GALNTL6: variants seen among roughly 807,000 people sequenced by gnomAD.
GALNTL6 encodes polypeptide N-acetylgalactosaminyltransferase like 6, also known as polypeptide N-acetylgalactosaminyltransferase-like 6.
Under a neutral mutation model 73.7 loss-of-function variants are expected in GALNTL6, and 46 were observed. The observed-to-expected ratio is 0.62, with a 90% CI of 0.49 to 0.80. GALNTL6 has a LOEUF of 0.80. Ranked by LOEUF, GALNTL6 falls within the 30% of genes least tolerant of loss-of-function variation. The probability of loss-of-function intolerance (pLI) is 0.00; values close to 1 mark genes in which losing one functional copy is unlikely to be tolerated. For synonymous variants in GALNTL6, 259 were observed against 263.7 expected (o/e 0.98, Z 0.17); for missense variants, 604 against 755.0 (o/e 0.80, Z 2.34).
At chr4:172,095,115 A>C (rs1732314448) in intron 2 of GALNTL6, among the ~76,000 whole-genome samples, 1 of 151,946 alleles carries the variant, frequency 6.6e-6, no homozygotes. Context: ...TGTGTTAGGG[A>C]GGGTCCAAAA....
intron 2 of GALNTL6, among the ~76,000 whole-genome samples, chr4:172,063,195 G>A (rs1449255915): frequency 1.3e-5 from 2 of 152,178 alleles, no homozygotes; most frequent in East Asian, 1.9e-4. Flanking sequence ...GTGAAGGCTA[G>A]GGTAAACACA....
chr4:172,805,269 A>G (rs879875171), intron 5 of GALNTL6, among the ~76,000 whole-genome samples: 2 of 152,204 alleles, frequency 1.3e-5, no homozygotes, highest in Non-Finnish European at 2.9e-5. Context: ...CCTAAACACT[A>G]AATTCACTAA....
intron 5 of GALNTL6, among the ~76,000 whole-genome samples, chr4:172,465,164 T>C (rs112215012): frequency 0.017 from 2,624 of 152,276 alleles, 71 homozygotes; most frequent in African/African-American, 0.057. Context: ...TATCTCCATT[T>C]GATGGTCTGC....
At chr4:172,341,720 T>C (rs988642699) in intron 4 of GALNTL6, among the ~76,000 whole-genome samples, 4 of 152,276 alleles carry the variant, frequency 2.6e-5, no homozygotes, top group Admixed American at 2.0e-4. Flanking sequence ...ATGTAAGATA[T>C]TGACTTGCTC....
chr4:172,324,725 G>A lies in GALNTL6; in HGVS notation c.386+12973G>A, dbSNP rs189646724. Among the ~76,000 whole-genome samples, 121 of 151,022 alleles carry A rather than the reference G, an allele frequency of 8.0e-4. 2 individuals carry two copies. The South Asian group carries it at 0.016, about 20-fold the overall frequency. ...TAAATTTCAGTGGATTGAAGTAATAGAGTATTTTCTTTGACCAAACTTCTA... is the reference window on the plus strand; with the variant it reads ...TAAATTTCAGTGGATTGAAGTAATAAAGTATTTTCTTTGACCAAACTTCTA... On this transcript the variant is annotated intron_variant, in intron 4 of 12. Coordinates refer to ENST00000506823, the MANE Select transcript of GALNTL6 (RefSeq NM_001034845.3).
intron 2 of GALNTL6, among the ~76,000 whole-genome samples, chr4:172,095,794 T>G (rs1443842912): frequency 6.6e-6 from 1 of 152,090 alleles, no homozygotes; most frequent in African/African-American, 2.4e-5. Context: ...TGGGAGGAAA[T>G]TACTGTTCTT....
chr4:172,040,385 T>TA (rs1041837655), intron 2 of GALNTL6, among the ~76,000 whole-genome samples: 1 of 152,124 alleles, frequency 6.6e-6, no homozygotes, highest in Admixed American at 6.6e-5. Context: ...TTTGTTTTTT[T>TA]ATGCCACTTT....
intron 2 of GALNTL6, among the ~76,000 whole-genome samples, chr4:172,130,922 C>T (rs1733470935): frequency 6.6e-6 from 1 of 152,016 alleles, no homozygotes; most frequent in Admixed American, 6.6e-5. Flanking sequence ...GCCACTATCC[C>T]TGTATTTCTA....
chr4:171,857,264 T>TA lies in GALNTL6; in HGVS notation c.138+42555dup, dbSNP rs549005988. ...CCCCTTGCTTTCTCAGTATTTTATTTAAAAAAAAAGAAGTATATTGAACCA... is the reference window on the plus strand; with the variant it reads ...CCCCTTGCTTTCTCAGTATTTTATTTAAAAAAAAAAGAAGTATATTGAACCA... On this transcript the variant is annotated intron_variant, in intron 2 of 12. Transcript: ENST00000506823. Among the ~76,000 whole-genome samples the TA allele has an allele frequency of 6.7e-3, 1,013 of 151,480 alleles. 3 individuals are homozygous for TA. Among genetic ancestry groups the TA allele is most frequent in the Non-Finnish European group, 9.8e-3 (666 of 67,806 alleles).
chr4:172,917,052 A>G lies in GALNTL6; in HGVS notation c.1042-14109A>G, dbSNP rs181110836. 5.7e-4 allele frequency among the ~76,000 whole-genome samples: 87 copies of G among 152,340 alleles called. 1 individual carries two copies. The highest frequency in any genetic ancestry group is 3.5e-4 in the Non-Finnish European group (24 of 68,024). ...ATGGTACTGTTACCAAAACAGAGAT[A>G]TAGACCAATGGAATGGAACAGAGCC... On this transcript the variant is annotated intron_variant, in intron 8 of 12. Coordinates refer to ENST00000506823, the MANE Select transcript of GALNTL6 (RefSeq NM_001034845.3).
chr4:172,161,507 C>A (rs1734467366), intron 2 of GALNTL6, among the ~76,000 whole-genome samples: 1 of 151,928 alleles, frequency 6.6e-6, no homozygotes, highest in Admixed American at 6.6e-5. Flanking sequence ...ACAGAGAAAC[C>A]ATTTTGCTGA....
At chr4:172,962,941 A>G (rs1750150232) in intron 10 of GALNTL6, among the ~76,000 whole-genome samples, 2 of 152,018 alleles carry the variant, frequency 1.3e-5, no homozygotes, top group Non-Finnish European at 2.9e-5. Flanking sequence ...AACACAGTCC[A>G]CTTAAAACAA....
chr4:172,000,319 G>A (rs1334155916), intron 2 of GALNTL6, among the ~76,000 whole-genome samples: 1 of 152,168 alleles, frequency 6.6e-6, no homozygotes. Context: ...ATTGCCCAAA[G>A]AATGTTCATT....
chr4:172,825,078 T>TTTTCTTTCTCTCTTTC (rs1742174894), intron 7 of GALNTL6, among the ~76,000 whole-genome samples: 1 of 105,626 alleles, frequency 9.5e-6, no homozygotes. Flanking sequence ...TTTGGTTATC[T>TTTTCTTTCTCTCTTTC]TTTCTTTCTT....
intron 2 of GALNTL6, among the ~76,000 whole-genome samples, chr4:171,961,376 G>A (rs1203237318): frequency 6.6e-6 from 1 of 151,978 alleles, no homozygotes; most frequent in African/African-American, 2.4e-5. Context: ...AAGAGGAGAA[G>A]AATTTACCCA....
intron 5 of GALNTL6, among the ~76,000 whole-genome samples, chr4:172,578,086 T>TCTTCAGAGAA (rs1737028843): frequency 3.9e-5 from 6 of 152,170 alleles, no homozygotes; most frequent in Admixed American, 3.9e-4. Flanking sequence ...AGACTCATAT[T>TCTTCAGAGAA]GAAACTGAGA....
intron 5 of GALNTL6, among the ~76,000 whole-genome samples, chr4:172,413,583 A>G (rs1290858313): frequency 2.0e-5 from 3 of 151,958 alleles, no homozygotes; most frequent in Admixed American, 1.3e-4. Flanking sequence ...TTAGGCTTTT[A>G]TGATGACCAA....
intron 2 of GALNTL6, among the ~76,000 whole-genome samples, chr4:172,157,056 G>T (rs538782135): frequency 6.6e-6 from 1 of 151,980 alleles, no homozygotes; most frequent in South Asian, 2.1e-4. Flanking sequence ...TTATAAGATG[G>T]GTTTGATTTT....
At chr4:172,244,266 G>A (rs1737549753) in intron 3 of GALNTL6, among the ~76,000 whole-genome samples, 1 of 152,058 alleles carries the variant, frequency 6.6e-6, no homozygotes, top group African/African-American at 2.4e-5. Flanking sequence ...GTATCATTTA[G>A]CTGTCTAAAA....
Sources: allele counts gnomAD v4.1 joint callset (sites outside exome capture counted in the v4.1 genomes callset), GRCh38; gene constraint gnomAD v4.1.1; transcripts MANE v1.5; gene names NCBI Gene and HGNC (gene_info 2026-07-23, HGNC 2026-07-21).